Variants in DLGAP2 observed in about 807,000 individuals in gnomAD.
DLGAP2 encodes the protein DLG associated protein 2.
DLGAP2 carries 26 observed loss-of-function variants against 100.3 expected under a neutral mutation model. The observed-to-expected ratio is 0.26, with a 90% CI of 0.19 to 0.36. The LOEUF is 0.36. DLGAP2 is among the 10% of genes least tolerant of loss of function. The pLI, the probability that DLGAP2 is intolerant of heterozygous loss-of-function variation, is 1.00. For missense variants in DLGAP2, 1,858 were observed against 1,453.2 expected (o/e 1.28, Z -4.53); for synonymous variants, 886 against 630.1 (o/e 1.41, Z -6.08).
chr8:1,693,020 T>A (rs1185554473), intron 13 of DLGAP2, among the ~76,000 whole-genome samples: 1 of 148,322 alleles, frequency 6.7e-6, no homozygotes, highest in African/African-American at 2.4e-5. Flanking sequence ...TGCATCTATA[T>A]GTTTATATAT....
rs189553706 is a variant in DLGAP2, at chr8:1,576,947, A to G, written c.1442+11053A>G. ...TAAAGTTCTTATGGAAACAAAAAAG[A>G]GCCCACATCGCCAAGACAATCCTAA... On this transcript the variant is annotated intron_variant, in intron 6 of 14. Transcript: ENST00000637795. Among the ~76,000 whole-genome samples, 1,156 of 152,328 alleles carry G rather than the reference A, an allele frequency of 7.6e-3. 7 individuals carry two copies. Among genetic ancestry groups the G allele is most frequent in the Non-Finnish European group, 0.012 (835 of 68,034 alleles).
chr8:800,624 T>G (rs549341016), intron 1 of DLGAP2, among the ~76,000 whole-genome samples: 3 of 151,988 alleles, frequency 2.0e-5, no homozygotes, highest in South Asian at 4.2e-4. Context: ...ACATGTATGT[T>G]TATATGTGTG....
At chr8:1,488,177 G>T (rs1799278497) in intron 3 of DLGAP2, among the ~76,000 whole-genome samples, 1 of 152,076 alleles carries the variant, frequency 6.6e-6, no homozygotes, top group Non-Finnish European at 1.5e-5. Context: ...CTTCCACACA[G>T]TCCTCCCCAC....
intron 2 of DLGAP2, among the ~76,000 whole-genome samples, chr8:1,221,426 C>T (rs549556528): frequency 6.6e-6 from 1 of 152,306 alleles, no homozygotes; most frequent in African/African-American, 2.4e-5. Context: ...AATATAGTTT[C>T]TTAATCTCTT....
At chr8:1,319,959 A>G (rs942933599) in intron 3 of DLGAP2, among the ~76,000 whole-genome samples, 2 of 152,142 alleles carry the variant, frequency 1.3e-5, no homozygotes, top group African/African-American at 4.8e-5. Flanking sequence ...TTTAACCCAG[A>G]TGCTGGTGGA....
At chr8:1,613,903 A>G (rs759812689) in intron 6 of DLGAP2, among the ~76,000 whole-genome samples, 4 of 152,246 alleles carry the variant, frequency 2.6e-5, no homozygotes, top group African/African-American at 9.6e-5. Context: ...AAAATGTTGA[A>G]TGCCAAAGGA....
chr8:1,124,546 C>T (rs1026236152), intron 2 of DLGAP2, among the ~76,000 whole-genome samples: 1 of 152,196 alleles, frequency 6.6e-6, no homozygotes, highest in African/African-American at 2.4e-5. Context: ...TTCTACCATT[C>T]ATGATATGTA....
Position 1,275,738 on chromosome 8 carries a change from T to A in DLGAP2, c.106+16855T>A, listed in dbSNP as rs1422966416. On this transcript the variant is annotated intron_variant, in intron 3 of 14. Transcript: ENST00000637795. ...GACATATATATATATAAAATATATG[T>A]AATATATATAAATAAATATATAAAA... Among the ~76,000 whole-genome samples, 5 of 133,610 alleles carry A rather than the reference T, an allele frequency of 3.7e-5. No individual in the cohort carries two copies. The Admixed American group carries it at 4.4e-4, about 12-fold the overall frequency. 87.7% of individuals were successfully genotyped at this position (133,610 alleles called of 152,430 possible). A position where few individuals can be genotyped will look rare whatever the true frequency, so the allele number is the denominator to read the frequency against.
At chr8:1,230,774 A>T (rs1798519456) in intron 2 of DLGAP2, among the ~76,000 whole-genome samples, 1 of 152,256 alleles carries the variant, frequency 6.6e-6, no homozygotes, top group Non-Finnish European at 1.5e-5. Context: ...TTCTTATTCA[A>T]TAAATGTTAT....
chr8:1,142,647 G>A (rs911204372), intron 2 of DLGAP2, among the ~76,000 whole-genome samples: 5 of 152,208 alleles, frequency 3.3e-5, no homozygotes, highest in Non-Finnish European at 7.3e-5. Context: ...GGCGACTTCG[G>A]TGAAGTGGTA....
chr8:885,467 G>T (rs994513343), intron 1 of DLGAP2, among the ~76,000 whole-genome samples: 3 of 152,162 alleles, frequency 2.0e-5, no homozygotes, highest in Non-Finnish European at 4.4e-5. Context: ...TTTGCACATT[G>T]ATTTTGTATC....
intron 3 of DLGAP2, among the ~76,000 whole-genome samples, chr8:1,476,165 C>G (rs192066471): frequency 6.6e-6 from 1 of 152,180 alleles, no homozygotes; most frequent in Non-Finnish European, 1.5e-5. Flanking sequence ...TGACTCCCAC[C>G]GACTTCATGA....
At chr8:1,327,632 C>T (rs1191450713) in intron 3 of DLGAP2, among the ~76,000 whole-genome samples, 2 of 152,092 alleles carry the variant, frequency 1.3e-5, no homozygotes, top group Admixed American at 1.3e-4. Flanking sequence ...ATCACGAGGT[C>T]AGGAGATCGA....
intron 1 of DLGAP2, chr8:740,492 A>C (rs762530738): frequency 2.0e-5 from 3 of 152,214 alleles, no homozygotes; most frequent in Non-Finnish European, 4.4e-5. Flanking sequence ...CTTCTGTGGC[A>C]ATCTATTGCT....
chr8:748,176 GGGCGGGTCTGCGGTGGGAT>G (rs1434532257), intron 1 of DLGAP2, among the ~76,000 whole-genome samples: 1 of 106,384 alleles, frequency 9.4e-6, no homozygotes, highest in African/African-American at 3.6e-5. Flanking sequence ...GCGGTGGGAT[GGGCGGGTCTGCGGTGGGAT>G]GGGGGGCTCT....
At chr8:1,434,062 G>A (rs189035469) in intron 3 of DLGAP2, among the ~76,000 whole-genome samples, 85 of 152,264 alleles carry the variant, frequency 5.6e-4, no homozygotes, top group African/African-American at 1.8e-3. Context: ...CCCAGAAATG[G>A]CGCTGAATGA....
chr8:1,320,397 C>A (rs1237591430), intron 3 of DLGAP2, among the ~76,000 whole-genome samples: 1 of 151,990 alleles, frequency 6.6e-6, no homozygotes, highest in Non-Finnish European at 1.5e-5. Flanking sequence ...TGGAGCCGGA[C>A]CGGAGGAGGA....
chr8:883,615 C>T (rs139107761), intron 1 of DLGAP2, among the ~76,000 whole-genome samples: 1 of 146,762 alleles, frequency 6.8e-6, no homozygotes, highest in Non-Finnish European at 1.5e-5. Context: ...GCGTGTGCCG[C>T]GGCGGTTCGT....
chr8:1,485,573 A>G (rs1458397928), intron 3 of DLGAP2, among the ~76,000 whole-genome samples: 2 of 152,218 alleles, frequency 1.3e-5, no homozygotes. Context: ...GAAGATGGCG[A>G]CGCTGGTTTA....
Sources: allele counts gnomAD v4.1 joint callset (sites outside exome capture counted in the v4.1 genomes callset), GRCh38; gene constraint gnomAD v4.1.1; transcripts MANE v1.5; gene names NCBI Gene and HGNC (gene_info 2026-07-23, HGNC 2026-07-21).